The following CD44 variants were observed in gnomAD, a reference collection of about 807,000 sequenced individuals.
CD44 encodes the protein CD44 molecule (IN blood group).
In CD44, 49 loss-of-function variants were observed where a neutral mutation model predicts 88.8. The observed-to-expected ratio is 0.55, with a 90% CI of 0.44 to 0.70. CD44 has a LOEUF of 0.70. CD44 is among the 30% of genes least tolerant of loss of function. The pLI is 0.00. For missense variants in CD44, 883 were observed against 913.8 expected (o/e 0.97, Z 0.43); for synonymous variants, 325 against 312.3 (o/e 1.04, Z -0.43).
intron 7 of CD44, 127 bp from the exon 8 acceptor site, chr11:35,200,955 A>T (rs1340167236): frequency 2.8e-6 from 2 of 720,538 alleles, no homozygotes; most frequent in East Asian, 2.5e-5. Context: ...ATTTCCATGC[A>T]GCCATCTATA....
At chr11:35,207,566 C>T (rs909898869) in intron 11 of CD44, among the ~76,000 whole-genome samples, 1 of 152,196 alleles carries the variant, frequency 6.6e-6, no homozygotes, top group African/African-American at 2.4e-5. Flanking sequence ...ACGTCCACTG[C>T]TTCTTATTTC....
chr11:35,139,484 C>T, intron 1 of CD44, 114 bp downstream of exon 1: 1 of 910,742 alleles, frequency 1.1e-6, no homozygotes, highest in East Asian at 2.5e-5. Context: ...AGTGAGCTGT[C>T]TGCGAAGTGC....
intron 1 of CD44, among the ~76,000 whole-genome samples, chr11:35,150,416 A>T (rs892790083): frequency 1.3e-5 from 2 of 152,158 alleles, no homozygotes; most frequent in Non-Finnish European, 2.9e-5. Context: ...CCCCAGTAAA[A>T]ATTTCTTTTC....
intron 17 of CD44, chr11:35,223,351 C>A: frequency 1.1e-6 from 1 of 900,058 alleles, no homozygotes; most frequent in Non-Finnish European, 1.3e-6. Flanking sequence ...TATTGCCAAG[C>A]CCTAGAATGC....
At chr11:35,203,611 T>C (rs1295750864) in intron 9 of CD44, among the ~76,000 whole-genome samples, 1 of 152,098 alleles carries the variant, frequency 6.6e-6, no homozygotes, top group East Asian at 1.9e-4. Flanking sequence ...AAATCACACA[T>C]ATCATTTTCT....
rs1948367719 is a variant in CD44, at chr11:35,211,321, C to T, written c.1682C>T (p.Thr561Ile). Residue 561 changes from threonine to isoleucine, a missense_variant, in exon 14 of 18, where the codon ACC becomes ATC. This residue lies in a region of CD44 where 631 missense variants were observed against 590.9 expected (regional missense o/e 1.07). Coordinates refer to ENST00000428726, the MANE Select transcript of CD44 (RefSeq NM_000610.4). ...TCAACTACTTTACTGGAAGGTTATA[C>T]CTCTCATTACCCACACACGAAGGAA... Reference protein sequence around the residue: ...EGSTTLLEGYTSHYPHTKESR... With the variant: ...EGSTTLLEGYISHYPHTKESR... The T allele has an allele frequency of 6.2e-7, 1 of 1,613,910 alleles. No individual in the cohort carries two copies. Among genetic ancestry groups the T allele is most frequent in the Non-Finnish European group, 8.5e-7 (1 of 1,179,850 alleles).
At chr11:35,159,052 A>C (rs1942270057) in intron 1 of CD44, among the ~76,000 whole-genome samples, 1 of 152,148 alleles carries the variant, frequency 6.6e-6, no homozygotes, top group Non-Finnish European at 1.5e-5. Flanking sequence ...AGGCCAGAGA[A>C]CAGAAGGGCT....
intron 1 of CD44, among the ~76,000 whole-genome samples, chr11:35,150,301 T>A (rs1257172767): frequency 6.6e-6 from 1 of 152,104 alleles, no homozygotes; most frequent in Non-Finnish European, 1.5e-5. Context: ...GAAAAAAAGC[T>A]AGACCAAACA....
rs553109700 is a variant in CD44 at position 35,182,550 on chromosome 11, C to T, written c.367+2143C>T. Reference sequence around the variant, plus strand: ...CTAAGTAGTACACGACTCATACATACTCAGTTCCCATACCCATGTCTAGCA... The same window carrying T: ...CTAAGTAGTACACGACTCATACATATTCAGTTCCCATACCCATGTCTAGCA... On this transcript the variant is annotated intron_variant, in intron 3 of 17. Transcript: ENST00000428726. Among the ~76,000 whole-genome samples the T allele has an allele frequency of 3.0e-4, 46 of 152,318 alleles. 1 individual carries two copies. The South Asian group carries it at 9.5e-3, about 32-fold the overall frequency.
At chr11:35,181,790 TTATA>T (rs200341331) in intron 3 of CD44, among the ~76,000 whole-genome samples, 1 of 114,668 alleles carries the variant, frequency 8.7e-6, no homozygotes, top group Admixed American at 1.2e-4. Context: ...TTATATAAAT[TTATA>T]TATAAATTAT....
chr11:35,226,937 T>A (rs190708277), intron 17 of CD44, among the ~76,000 whole-genome samples: 1 of 137,398 alleles, frequency 7.3e-6, no homozygotes, highest in Admixed American at 8.3e-5. Flanking sequence ...CAGGCTGGAG[T>A]GCGGTGATGC....
At position 35,139,398 on chromosome 11, in the gene CD44, A is replaced by C; in HGVS notation, c.67+28A>C. 4.5e-6 allele frequency: 7 copies of C among 1,550,936 alleles called. No individual in the cohort carries two copies. In the South Asian group the frequency reaches 4.7e-5, roughly 11 times the overall value. ...GAGTGCCCGCCGCAGCCTGGGCAGCAAGATGGGTGCGGGGTGCTCAGCGCG... is the reference window on the plus strand; with the variant it reads ...GAGTGCCCGCCGCAGCCTGGGCAGCCAGATGGGTGCGGGGTGCTCAGCGCG... On this transcript the variant is annotated intron_variant, in intron 1 of 17. Coordinates refer to ENST00000428726, the MANE Select transcript of CD44 (RefSeq NM_000610.4).
At chr11:35,143,873 G>T (rs1274001626) in intron 1 of CD44, among the ~76,000 whole-genome samples, 1 of 152,212 alleles carries the variant, frequency 6.6e-6, no homozygotes, top group Non-Finnish European at 1.5e-5. Context: ...GAGAGAGGTG[G>T]TTGCTTGTCT....
chr11:35,140,123 T>C (rs353558), intron 1 of CD44, among the ~76,000 whole-genome samples: 110,558 of 152,102 alleles, frequency 0.73, 40,559 homozygotes, highest in South Asian at 0.86. Context: ...TAAGGTGGCT[T>C]ATATTCCCTG....
chr11:35,221,008 T>G (rs956402508), intron 16 of CD44, among the ~76,000 whole-genome samples: 1 of 152,098 alleles, frequency 6.6e-6, no homozygotes, highest in Non-Finnish European at 1.5e-5. Flanking sequence ...ATTCACCCAC[T>G]TCAGCCTCCT....
intron 13 of CD44, 84 bp from the exon 14 acceptor site, chr11:35,211,162 A>G: frequency 9.9e-7 from 1 of 1,007,578 alleles, no homozygotes; most frequent in East Asian, 2.4e-5. Flanking sequence ...AAGCTTTTGC[A>G]GCAATTGTGT....
chr11:35,217,604 G>A (rs1438926994), intron 15 of CD44, among the ~76,000 whole-genome samples: 1 of 152,206 alleles, frequency 6.6e-6, no homozygotes, highest in Non-Finnish European at 1.5e-5. Context: ...AACTGGTTTT[G>A]CTCCCTTTTA....
At chr11:35,162,401 G>A (rs886504446) in intron 1 of CD44, among the ~76,000 whole-genome samples, 3 of 152,162 alleles carry the variant, frequency 2.0e-5, no homozygotes, top group Admixed American at 2.0e-4. Context: ...CTGCACACAA[G>A]GGTCATTTGT....
chr11:35,140,810 A>G (rs1233141818), intron 1 of CD44, among the ~76,000 whole-genome samples: 1 of 152,198 alleles, frequency 6.6e-6, no homozygotes, highest in African/African-American at 2.4e-5. Flanking sequence ...ACCCAAGGTC[A>G]GGAGTTTGAG....
Sources: gnomAD v4.1 joint callset for allele counts (sites outside exome capture counted in the v4.1 genomes callset) on GRCh38, gnomAD v4.1.1 for gene constraint, gnomAD v4.1.1 regional missense constraint, MANE v1.5 for transcripts, NCBI Gene and HGNC (gene_info 2026-07-23, HGNC 2026-07-21) for gene names.